Variants in LUZP2 observed in about 807,000 individuals in gnomAD.
The protein encoded by LUZP2 is leucine zipper protein 2.
LUZP2 carries 52 observed loss-of-function variants against 51.6 expected under a neutral mutation model. That is an observed-to-expected ratio of 1.01 (90% CI 0.81 to 1.27). The LOEUF (loss-of-function observed/expected upper bound fraction) is 1.27. Among genes scored for constraint, LUZP2 ranks in the 50% most tolerant of loss-of-function variants. LUZP2 has a pLI of 0.00. For missense variants in LUZP2, 436 were observed against 395.4 expected, an observed-to-expected ratio of 1.10 and a Z score of -0.87; for synonymous variants, 154 against 137.3, an observed-to-expected ratio of 1.12 and a Z score of -0.85.
intron 5 of LUZP2, among the ~76,000 whole-genome samples, chr11:24,857,606 G>T (rs905095920): frequency 1.3e-5 from 2 of 149,814 alleles, no homozygotes; most frequent in African/African-American, 4.9e-5. Flanking sequence ...TGTTAAATCA[G>T]TGCTAATATA....
intron 7 of LUZP2, among the ~76,000 whole-genome samples, chr11:24,950,815 A>C (rs1291074794): frequency 6.6e-6 from 1 of 151,602 alleles, no homozygotes; most frequent in Non-Finnish European, 1.5e-5. Context: ...TTTTTTGAGA[A>C]GGAAATCTCA....
At chr11:24,731,260 T>C (rs1308903547) in intron 2 of LUZP2, among the ~76,000 whole-genome samples, 1 of 151,814 alleles carries the variant, frequency 6.6e-6, no homozygotes, top group East Asian at 1.9e-4. Context: ...ATAATAGATA[T>C]TTGTTAAATA....
At chr11:25,025,976 G>A (rs1273072944) in intron 9 of LUZP2, among the ~76,000 whole-genome samples, 1 of 152,138 alleles carries the variant, frequency 6.6e-6, no homozygotes, top group African/African-American at 2.4e-5. Context: ...GAAAGAATGA[G>A]TTCATGTCCT....
intron 5 of LUZP2, among the ~76,000 whole-genome samples, chr11:24,858,011 A>AT (rs1851623153): frequency 6.6e-6 from 1 of 151,536 alleles, no homozygotes; most frequent in Non-Finnish European, 1.5e-5. Flanking sequence ...TCTTTTTTTT[A>AT]TTTTTTAATC....
chr11:24,783,944 AC>A (rs1447712538), intron 5 of LUZP2, among the ~76,000 whole-genome samples: 1 of 151,882 alleles, frequency 6.6e-6, no homozygotes, highest in East Asian at 1.9e-4. Flanking sequence ...GAAAGGTGAC[AC>A]CTATTTGGGT....
Position 24,918,737 on chromosome 11 carries a change from T to C in LUZP2, c.522+4199T>C, listed in dbSNP as rs559124387. On this transcript the variant is annotated intron_variant, in intron 7 of 11. Coordinates refer to ENST00000336930, the MANE Select transcript of LUZP2 (RefSeq NM_001009909.4). The stretch of plus-strand genomic sequence containing the variant: ...CTTAAAATCCCGTCACCAGAGCAAA[T>C]GCAAACAATATTTTAACATATTTTA... Among the ~76,000 whole-genome samples, 23 of 150,986 alleles carry C rather than the reference T, an allele frequency of 1.5e-4. No homozygotes were observed. The East Asian group carries it at 4.3e-3, about 28-fold the overall frequency.
chr11:24,959,939 T>G (rs1855342093), intron 7 of LUZP2, among the ~76,000 whole-genome samples: 1 of 152,208 alleles, frequency 6.6e-6, no homozygotes, highest in Non-Finnish European at 1.5e-5. Context: ...ATACCTAATT[T>G]ATTGAGAGTT....
intron 9 of LUZP2, among the ~76,000 whole-genome samples, chr11:24,996,738 TAGG>T (rs1214695354): frequency 6.6e-6 from 1 of 151,950 alleles, no homozygotes; most frequent in Non-Finnish European, 1.5e-5. Flanking sequence ...CATTTAGCAT[TAGG>T]TATATCTCCT....
At chr11:24,801,033 T>C (rs899696010) in intron 5 of LUZP2, among the ~76,000 whole-genome samples, 5 of 152,162 alleles carry the variant, frequency 3.3e-5, no homozygotes, top group African/African-American at 1.2e-4. Flanking sequence ...AAGCCTGTTT[T>C]TGTTTCATTC....
intron 1 of LUZP2, among the ~76,000 whole-genome samples, chr11:24,651,305 T>A (rs1014908745): frequency 6.6e-6 from 1 of 152,164 alleles, no homozygotes. Context: ...CATTAGCTAA[T>A]TGACAGTAGG....
intron 7 of LUZP2, among the ~76,000 whole-genome samples, chr11:24,921,214 G>C (rs533273799): frequency 6.6e-6 from 1 of 152,078 alleles, no homozygotes; most frequent in Non-Finnish European, 1.5e-5. Context: ...ACAGAGGGAG[G>C]GGGGCTCGGA....
intron 9 of LUZP2, among the ~76,000 whole-genome samples, chr11:25,025,121 CT>C (rs1168361209): frequency 6.6e-6 from 1 of 152,104 alleles, no homozygotes; most frequent in Non-Finnish European, 1.5e-5. Context: ...GGATCCCTTC[CT>C]TATACCTTAT....
intron 5 of LUZP2, among the ~76,000 whole-genome samples, chr11:24,804,519 C>A (rs1293587626): frequency 1.3e-5 from 2 of 152,116 alleles, no homozygotes; most frequent in African/African-American, 4.8e-5. Context: ...GACAGCCCTG[C>A]AGAAGTATGA....
At chr11:24,953,097 A>G (rs1855121642) in intron 7 of LUZP2, among the ~76,000 whole-genome samples, 1 of 151,960 alleles carries the variant, frequency 6.6e-6, no homozygotes, top group African/African-American at 2.4e-5. Flanking sequence ...AAATAAATTT[A>G]AGAAAAAATA....
chr11:24,863,842 C>A (rs1851809856), intron 5 of LUZP2, among the ~76,000 whole-genome samples: 1 of 152,076 alleles, frequency 6.6e-6, no homozygotes, highest in Non-Finnish European at 1.5e-5. Context: ...AGACTGAGTG[C>A]ACTGAAGATT....
At chr11:24,763,186 T>A (rs1215027375) in intron 4 of LUZP2, 60 bp from the exon 5 acceptor site, 3 of 760,600 alleles carry the variant, frequency 3.9e-6, no homozygotes, top group Non-Finnish European at 6.0e-6. Flanking sequence ...ATGAAAAAAA[T>A]AATGAAAGCC....
rs574756945 is a variant in LUZP2, at chr11:24,643,771, A to G, written c.63-85398A>G. On this transcript the variant is annotated intron_variant, in intron 1 of 11. Transcript: ENST00000336930. ...CACTACCTATTGAAAAAAAAGATAC[A>G]CCAAATATGAAATAGTTTGTACACT... is the stretch of plus-strand genomic sequence containing the variant. 3.1e-4 allele frequency among the ~76,000 whole-genome samples: 47 copies of G among 152,278 alleles called. 1 individual carries two copies. The highest frequency in any genetic ancestry group is 2.0e-4 in the Admixed American group (3 of 15,284).
chr11:25,025,853 T>C (rs923891632), intron 9 of LUZP2, among the ~76,000 whole-genome samples: 22 of 152,182 alleles, frequency 1.4e-4, no homozygotes, highest in East Asian at 7.7e-4. Flanking sequence ...CGTATGTTTA[T>C]TGTGGCACTA....
chr11:24,915,766 G>A (rs1173005418), intron 7 of LUZP2, among the ~76,000 whole-genome samples: 2 of 151,914 alleles, frequency 1.3e-5, no homozygotes, highest in African/African-American at 4.8e-5. Flanking sequence ...TGTTAGGTTA[G>A]TGCAAGAGTA....
Sources: gnomAD v4.1 joint callset for allele counts (sites outside exome capture counted in the v4.1 genomes callset) on GRCh38, gnomAD v4.1.1 for gene constraint, MANE v1.5 for transcripts, NCBI Gene and HGNC (gene_info 2026-07-23, HGNC 2026-07-21) for gene names.